The following WWOX variants were observed in gnomAD, a reference collection of about 807,000 sequenced individuals.
WWOX encodes WW domain-containing oxidoreductase.
WWOX carries 69 observed loss-of-function variants against 46.2 expected under a neutral mutation model. The observed-to-expected ratio is 1.49, with a 90% CI of 1.23 to 1.82. The LOEUF (loss-of-function observed/expected upper bound fraction) is 1.82. WWOX is among the 40% of genes most tolerant of loss of function. The probability of loss-of-function intolerance (pLI) is 0.00; values close to 1 mark genes in which losing one functional copy is unlikely to be tolerated. For synonymous variants in WWOX, 359 were observed against 202.6 expected (o/e 1.77, Z -6.56); for missense variants, 919 against 542.6 (o/e 1.69, Z -6.89).
chr16:78,492,678 T>G (rs914645642), intron 8 of WWOX, among the ~76,000 whole-genome samples: 7 of 152,224 alleles, frequency 4.6e-5, no homozygotes, highest in African/African-American at 1.4e-4. Flanking sequence ...AAATTCTGTT[T>G]TGGTGCTTAT....
chr16:78,396,360 A>G (rs1208936419), intron 6 of WWOX, among the ~76,000 whole-genome samples: 1 of 152,210 alleles, frequency 6.6e-6, no homozygotes, highest in Non-Finnish European at 1.5e-5. Context: ...CTGCCAAGAC[A>G]TAAATGAAAA....
At chr16:78,398,354 T>C (rs2151942233) in intron 6 of WWOX, among the ~76,000 whole-genome samples, 1 of 152,316 alleles carries the variant, frequency 6.6e-6, no homozygotes, top group East Asian at 1.9e-4. Context: ...TCTGAGCCTT[T>C]GCTTGTGTGG....
At chr16:79,043,215 A>T (rs539194225) in intron 8 of WWOX, among the ~76,000 whole-genome samples, 1 of 152,282 alleles carries the variant, frequency 6.6e-6, no homozygotes, top group East Asian at 1.9e-4. Flanking sequence ...AAAAAAATCT[A>T]TGTATAACTT....
intron 8 of WWOX, among the ~76,000 whole-genome samples, chr16:78,790,852 C>A (rs953865450): frequency 6.6e-6 from 1 of 151,522 alleles, no homozygotes; most frequent in Non-Finnish European, 1.5e-5. Flanking sequence ...AACCTCATTT[C>A]TACAAAAAAT....
At chr16:78,948,455 C>G (rs761699838) in intron 8 of WWOX, among the ~76,000 whole-genome samples, 7 of 152,174 alleles carry the variant, frequency 4.6e-5, no homozygotes, top group African/African-American at 1.7e-4. Flanking sequence ...AGCCAGAGGT[C>G]TGTCTCTTGC....
At chr16:78,949,972 A>G (rs1047656690) in intron 8 of WWOX, among the ~76,000 whole-genome samples, 1 of 152,194 alleles carries the variant, frequency 6.6e-6, no homozygotes, top group Non-Finnish European at 1.5e-5. Context: ...TATTTAACCT[A>G]GCTATAATAC....
chr16:78,888,080 C>T (rs2044505786), intron 8 of WWOX, among the ~76,000 whole-genome samples: 2 of 152,196 alleles, frequency 1.3e-5, no homozygotes, highest in South Asian at 2.1e-4. Flanking sequence ...TATTTTATTT[C>T]TTAATGAATC....
chr16:78,625,945 T>C (rs1404242580), intron 8 of WWOX, among the ~76,000 whole-genome samples: 1 of 151,504 alleles, frequency 6.6e-6, no homozygotes, highest in African/African-American at 2.4e-5. Flanking sequence ...TACTTAAAAG[T>C]AATCGCAGTT....
intron 8 of WWOX, among the ~76,000 whole-genome samples, chr16:78,992,243 C>T (rs1478221340): frequency 6.6e-6 from 1 of 152,178 alleles, no homozygotes; most frequent in Non-Finnish European, 1.5e-5. Context: ...GTCACCCCTT[C>T]TGTAAGACCA....
At chr16:78,859,838 A>AT (rs11311004) in intron 8 of WWOX, among the ~76,000 whole-genome samples, 6 of 151,634 alleles carry the variant, frequency 4.0e-5, no homozygotes, top group East Asian at 1.9e-4. Flanking sequence ...TTTAACAGTG[A>AT]TTTTTTTTTT....
intron 8 of WWOX, among the ~76,000 whole-genome samples, chr16:78,641,143 A>T (rs1208291269): frequency 6.6e-6 from 1 of 152,030 alleles, no homozygotes; most frequent in Non-Finnish European, 1.5e-5. Flanking sequence ...CTCCAAAAAA[A>T]TTCTCTTCCT....
intron 8 of WWOX, among the ~76,000 whole-genome samples, chr16:79,156,533 TGGAA>T (rs2050385408): frequency 1.3e-5 from 2 of 152,124 alleles, no homozygotes; most frequent in South Asian, 4.2e-4. Context: ...TAGAAGGTGT[TGGAA>T]GGAAAATTAG....
chr16:79,029,405 C>G (rs965075425), intron 8 of WWOX, among the ~76,000 whole-genome samples: 3 of 152,148 alleles, frequency 2.0e-5, no homozygotes, highest in African/African-American at 7.2e-5. Flanking sequence ...TCCATCAGCA[C>G]CATTGTCAAA....
chr16:78,101,346 C>CGTTTTTTTTTTTTTT (rs2031769164), intron 1 of WWOX, among the ~76,000 whole-genome samples: 1 of 66,822 alleles, frequency 1.5e-5, no homozygotes, highest in Non-Finnish European at 3.0e-5. Context: ...CGCTCCCGGC[C>CGTTTTTTTTTTTTTT]TTTTTTTTTT....
intron 4 of WWOX, among the ~76,000 whole-genome samples, chr16:78,149,481 A>T (rs551395855): frequency 3.3e-5 from 5 of 152,208 alleles, no homozygotes; most frequent in African/African-American, 4.8e-5. Context: ...ACATTTGCCA[A>T]TGCATCACTG....
At chr16:78,916,275 G>C (rs143468533) in intron 8 of WWOX, among the ~76,000 whole-genome samples, 1 of 152,136 alleles carries the variant, frequency 6.6e-6, no homozygotes, top group Admixed American at 6.5e-5. Flanking sequence ...TCTACTGCAG[G>C]GGGTATGATG....
intron 8 of WWOX, among the ~76,000 whole-genome samples, chr16:79,005,018 G>A (rs2174406): frequency 4.7e-4 from 72 of 152,264 alleles, no homozygotes; most frequent in African/African-American, 1.7e-3. Flanking sequence ...GGAGAGGGAA[G>A]GAAGAGGAAA....
chr16:78,648,825 A>G (rs889414849), intron 8 of WWOX, among the ~76,000 whole-genome samples: 1 of 152,176 alleles, frequency 6.6e-6, no homozygotes, highest in Non-Finnish European at 1.5e-5. Flanking sequence ...GCCTGGCTGC[A>G]GGAAGTTCTG....
At chr16:78,261,797 T>TATATATATATATAG (rs2079246581) in intron 5 of WWOX, among the ~76,000 whole-genome samples, 1 of 65,162 alleles carries the variant, frequency 1.5e-5, no homozygotes, top group African/African-American at 7.0e-5. Flanking sequence ...TCTATATATA[T>TATATATATATATAG]ATATATATAT....
Sources: allele counts gnomAD v4.1 joint callset (sites outside exome capture counted in the v4.1 genomes callset), GRCh38; gene constraint gnomAD v4.1.1; transcripts MANE v1.5; gene names NCBI Gene and HGNC (gene_info 2026-07-23, HGNC 2026-07-21).